The following RBFOX1 variants were observed in gnomAD, a reference collection of about 807,000 sequenced individuals.
RBFOX1 encodes RNA binding protein fox-1 homolog 1.
Under a neutral mutation model 57.7 loss-of-function variants are expected in RBFOX1, and 8 were observed. That is an observed-to-expected ratio of 0.14 (90% CI 0.08 to 0.25). The LOEUF is 0.25. RBFOX1 is among the 10% of genes least tolerant of loss of function. The pLI, the probability that RBFOX1 is intolerant of heterozygous loss-of-function variation, is 1.00. For missense variants in RBFOX1, 611 were observed against 548.5 expected, an observed-to-expected ratio of 1.11 and a Z score of -1.14; for synonymous variants, 326 against 222.4, an observed-to-expected ratio of 1.47 and a Z score of -4.15.
intron 1 of RBFOX1, among the ~76,000 whole-genome samples, chr16:5,449,172 A>G (rs1452846919): frequency 6.6e-6 from 1 of 152,124 alleles, no homozygotes; most frequent in African/African-American, 2.4e-5. Context: ...TCCCCTGCCC[A>G]AAGCCCCACT....
chr16:7,166,413 A>G (rs564955764), intron 4 of RBFOX1, among the ~76,000 whole-genome samples: 73 of 152,276 alleles, frequency 4.8e-4, no homozygotes, highest in Non-Finnish European at 9.4e-4. Flanking sequence ...GAAAGATAGA[A>G]AACTATAGAG....
chr16:6,394,144 C>T (rs764380456), intron 2 of RBFOX1, among the ~76,000 whole-genome samples: 14 of 152,156 alleles, frequency 9.2e-5, no homozygotes, highest in East Asian at 1.9e-4. Context: ...CTATTGCCAG[C>T]CCTGAATGCA....
At chr16:7,420,938 T>TATACACATATATATAC (rs1400319463) in intron 4 of RBFOX1, among the ~76,000 whole-genome samples, 5 of 140,130 alleles carry the variant, frequency 3.6e-5, no homozygotes, top group Non-Finnish European at 6.1e-5. Context: ...CATATATATA[T>TATACACATATATATAC]ACACACACAC....
chr16:7,455,195 T>C (rs2150337504), intron 4 of RBFOX1, among the ~76,000 whole-genome samples: 1 of 152,332 alleles, frequency 6.6e-6, no homozygotes, highest in Non-Finnish European at 1.5e-5. Context: ...CTGAATCCTT[T>C]AGCCTACCAA....
chr16:6,281,493 C>T (rs1207371716), intron 1 of RBFOX1, among the ~76,000 whole-genome samples: 1 of 152,002 alleles, frequency 6.6e-6, no homozygotes, highest in Non-Finnish European at 1.5e-5. Context: ...AAACAGCTTC[C>T]ACCGAGGGTG....
At chr16:7,258,688 G>C (rs546226267) in intron 4 of RBFOX1, among the ~76,000 whole-genome samples, 6 of 152,036 alleles carry the variant, frequency 3.9e-5, no homozygotes, top group Non-Finnish European at 2.9e-5. Flanking sequence ...GAACTGCAAA[G>C]GTCATGGTTG....
intron 2 of RBFOX1, among the ~76,000 whole-genome samples, chr16:6,641,340 C>T (rs1323540236): frequency 5.3e-5 from 8 of 152,146 alleles, no homozygotes; most frequent in African/African-American, 1.9e-4. Flanking sequence ...CACTCCCTCC[C>T]AACGCTGACA....
At chr16:5,728,801 C>T (rs1284397514) in intron 3 of RBFOX1, among the ~76,000 whole-genome samples, 5 of 152,156 alleles carry the variant, frequency 3.3e-5, no homozygotes, top group Admixed American at 2.6e-4. Flanking sequence ...GTTCTGCTGG[C>T]CCCTTTCTTC....
intron 1 of RBFOX1, among the ~76,000 whole-genome samples, chr16:6,128,340 A>G (rs894886773): frequency 1.3e-5 from 2 of 152,188 alleles, no homozygotes; most frequent in Non-Finnish European, 1.5e-5. Flanking sequence ...CTCTAAGAAG[A>G]CTTCTGTGTC....
chr16:7,397,191 C>G (rs181498433), intron 4 of RBFOX1, among the ~76,000 whole-genome samples: 1 of 152,158 alleles, frequency 6.6e-6, no homozygotes, highest in Admixed American at 6.5e-5. Flanking sequence ...TCTTCTATCT[C>G]TGGTGCTGAG....
chr16:7,480,518 T>TA (rs879771939), intron 4 of RBFOX1, among the ~76,000 whole-genome samples: 48 of 152,330 alleles, frequency 3.2e-4, no homozygotes, highest in Non-Finnish European at 5.4e-4. Context: ...CGGCTCCGTT[T>TA]AAAAAAATAC....
intron 1 of RBFOX1, among the ~76,000 whole-genome samples, chr16:5,319,396 TCTGA>T (rs1204126750): frequency 2.6e-5 from 4 of 152,208 alleles, no homozygotes; most frequent in Admixed American, 1.3e-4. Context: ...TCTAGTGGTC[TCTGA>T]CTGTCTGCCC....
At chr16:6,116,773 G>C (rs1392585595) in intron 1 of RBFOX1, among the ~76,000 whole-genome samples, 1 of 152,122 alleles carries the variant, frequency 6.6e-6, no homozygotes, top group Admixed American at 6.6e-5. Flanking sequence ...GAACTCCCGT[G>C]AATAAGATAT....
intron 1 of RBFOX1, among the ~76,000 whole-genome samples, chr16:6,021,442 A>G (rs1239490838): frequency 6.6e-6 from 1 of 152,138 alleles, no homozygotes; most frequent in Non-Finnish European, 1.5e-5. Context: ...ATTTATTTTT[A>G]GCTAAGATCT....
Position 6,144,196 on chromosome 16 carries a change from A to G in RBFOX1, c.-127+124204A>G, listed in dbSNP as rs190491390. 2.6e-5 allele frequency among the ~76,000 whole-genome samples: 4 copies of G among 152,260 alleles called. No homozygotes were observed. In the East Asian group the frequency reaches 5.8e-4, roughly 22 times the overall value. Reference sequence around the variant, plus strand: ...TACAGATTATATCCATTAGAATGCCATGGACTATAAGTGCTGGGATCATAA... The same window carrying G: ...TACAGATTATATCCATTAGAATGCCGTGGACTATAAGTGCTGGGATCATAA... On this transcript the variant is annotated intron_variant, in intron 1 of 15. Transcript: ENST00000550418.
intron 3 of RBFOX1, among the ~76,000 whole-genome samples, chr16:5,782,457 C>T (rs773398834): frequency 1.3e-5 from 2 of 152,064 alleles, no homozygotes; most frequent in South Asian, 2.1e-4. Flanking sequence ...TACGCATGTC[C>T]CAGAAACCAT....
At chr16:5,652,073 C>A (rs75173871) in intron 3 of RBFOX1, among the ~76,000 whole-genome samples, 5,888 of 152,074 alleles carry the variant, frequency 0.039, 397 homozygotes, top group African/African-American at 0.13. Context: ...GGAAGAGGTT[C>A]TAGTGAGCCA....
At chr16:7,099,220 G>A (rs370855520) in intron 4 of RBFOX1, among the ~76,000 whole-genome samples, 1 of 152,178 alleles carries the variant, frequency 6.6e-6, no homozygotes, top group Admixed American at 6.5e-5. Flanking sequence ...CTGCATACGT[G>A]TGGATGTAGA....
Position 5,606,536 on chromosome 16 carries a change from T to C in RBFOX1, c.318+7575T>C, listed in dbSNP as rs542151556. ...ATCTCTTCCTCATTCCACCCCCAAC[T>C]CCCTAAATTATATCACAGTCACTGC... On this transcript the variant is annotated intron_variant, in intron 3 of 19. Transcript: ENST00000641259. Among the ~76,000 whole-genome samples, 9 of 151,604 alleles carry C rather than the reference T, an allele frequency of 5.9e-5. No individual in the cohort carries two copies. In the South Asian group the frequency reaches 1.9e-3, roughly 32 times the overall value.
Sources: allele counts gnomAD v4.1 joint callset (sites outside exome capture counted in the v4.1 genomes callset), GRCh38; gene constraint gnomAD v4.1.1; transcripts MANE v1.5; gene names NCBI Gene and HGNC (gene_info 2026-07-23, HGNC 2026-07-21).